RIMS1: variants seen among roughly 807,000 people sequenced by gnomAD.
RIMS1 encodes regulating synaptic membrane exocytosis protein 1.
A neutral mutation model predicts 214.1 loss-of-function variants in RIMS1; 83 were observed. The observed-to-expected ratio is 0.39, with a 90% CI of 0.32 to 0.47. RIMS1 has a LOEUF of 0.47. RIMS1 is among the 20% of genes least tolerant of loss of function. RIMS1 has a pLI of 0.99. For synonymous variants in RIMS1, 793 were observed against 786.8 expected (o/e 1.01, Z -0.13); for missense variants, 2,050 against 2,161.8 (o/e 0.95, Z 1.03).
chr6:72,388,682 C>T (rs1369665655), intron 29 of RIMS1, among the ~76,000 whole-genome samples: 1 of 152,104 alleles, frequency 6.6e-6, no homozygotes, highest in Non-Finnish European at 1.5e-5. Flanking sequence ...AATGACCAGA[C>T]TTGTGATGCA....
At chr6:72,363,527 G>T (rs1216798862) in intron 29 of RIMS1, among the ~76,000 whole-genome samples, 1 of 152,174 alleles carries the variant, frequency 6.6e-6, no homozygotes, top group Non-Finnish European at 1.5e-5. Flanking sequence ...TTAGGATGAA[G>T]AGAAATATTT....
At chr6:72,099,665 C>A (rs1488202626) in intron 3 of RIMS1, among the ~76,000 whole-genome samples, 2 of 151,872 alleles carry the variant, frequency 1.3e-5, no homozygotes. Context: ...GTGAATTAAC[C>A]TTCTTTATGA....
intron 24 of RIMS1, among the ~76,000 whole-genome samples, chr6:72,289,638 T>G (rs1472961459): frequency 1.3e-5 from 2 of 152,184 alleles, no homozygotes; most frequent in African/African-American, 4.8e-5. Flanking sequence ...AAAATCATTA[T>G]AGCTATAAAA....
intron 6 of RIMS1, among the ~76,000 whole-genome samples, chr6:72,215,264 C>G (rs1459296104): frequency 6.6e-6 from 1 of 152,138 alleles, no homozygotes; most frequent in Non-Finnish European, 1.5e-5. Flanking sequence ...ATAGCTGCTC[C>G]GGAAAATCTT....
chr6:72,278,303 G>T (rs1474341831), intron 23 of RIMS1, among the ~76,000 whole-genome samples: 2 of 151,940 alleles, frequency 1.3e-5, no homozygotes. Context: ...ATTAAGTAAA[G>T]CATCCCACTA....
chr6:72,167,823 C>G (rs1486864860), intron 4 of RIMS1, among the ~76,000 whole-genome samples: 1 of 151,744 alleles, frequency 6.6e-6, no homozygotes, highest in Non-Finnish European at 1.5e-5. Flanking sequence ...TTTTCTTGAC[C>G]AGTGCTGTGG....
chr6:72,252,635 C>T (rs2073939920), intron 15 of RIMS1, 126 bp from the exon 16 acceptor site: 3 of 717,186 alleles, frequency 4.2e-6, no homozygotes, highest in Non-Finnish European at 7.6e-6. Context: ...TCAGTGTTTA[C>T]TGTATTAGTC....
intron 2 of RIMS1, among the ~76,000 whole-genome samples, chr6:72,008,566 A>C (rs892656299): frequency 6.6e-6 from 1 of 152,226 alleles, no homozygotes; most frequent in African/African-American, 2.4e-5. Flanking sequence ...AGTGTGCTCT[A>C]TTCAGGAGAC....
intron 1 of RIMS1, among the ~76,000 whole-genome samples, chr6:71,963,030 T>C (rs1006362039): frequency 6.6e-6 from 1 of 152,296 alleles, no homozygotes; most frequent in Middle Eastern, 3.4e-3. Context: ...AATACTAGAA[T>C]AATGTTTAAA....
chr6:72,241,731 T>G (rs1247306742), intron 9 of RIMS1, among the ~76,000 whole-genome samples: 1 of 152,218 alleles, frequency 6.6e-6, no homozygotes, highest in African/African-American at 2.4e-5. Context: ...TTTGTAATTT[T>G]GCCATAGCTA....
chr6:72,264,660 A>G (rs2079583068), intron 19 of RIMS1, among the ~76,000 whole-genome samples: 2 of 152,220 alleles, frequency 1.3e-5, no homozygotes, highest in African/African-American at 4.8e-5. Flanking sequence ...AAGTAGGCAT[A>G]ATATTAAATC....
intron 9 of RIMS1, among the ~76,000 whole-genome samples, chr6:72,239,937 C>A (rs1371516556): frequency 6.6e-6 from 1 of 150,472 alleles, no homozygotes; most frequent in African/African-American, 2.4e-5. Context: ...CTTCACAATT[C>A]ATCTGAAGTT....
At chr6:72,207,472 T>A (rs1589122233) in intron 6 of RIMS1, among the ~76,000 whole-genome samples, 1 of 152,182 alleles carries the variant, frequency 6.6e-6, no homozygotes, top group South Asian at 2.1e-4. Flanking sequence ...ATTTGTTGAT[T>A]TTTTTTGTGG....
chr6:71,993,583 G>T (rs898593844), intron 2 of RIMS1, among the ~76,000 whole-genome samples: 1 of 152,008 alleles, frequency 6.6e-6, no homozygotes, highest in African/African-American at 2.4e-5. Flanking sequence ...TTCTGTCTTC[G>T]GTACATAAGG....
chr6:72,064,517 G>A (rs1022234138), intron 2 of RIMS1, among the ~76,000 whole-genome samples: 3 of 152,174 alleles, frequency 2.0e-5, no homozygotes, highest in Non-Finnish European at 4.4e-5. Context: ...AAGGAAGGAA[G>A]AAATGCATAA....
At chr6:72,227,219 A>T (rs146002588) in intron 6 of RIMS1, among the ~76,000 whole-genome samples, 2 of 152,040 alleles carry the variant, frequency 1.3e-5, no homozygotes, top group Admixed American at 1.3e-4. Context: ...TCAAATAAGT[A>T]AACTGCTGGG....
chr6:72,172,161 C>T (rs936974309), intron 4 of RIMS1, among the ~76,000 whole-genome samples: 14 of 151,818 alleles, frequency 9.2e-5, no homozygotes, highest in African/African-American at 2.4e-5. Flanking sequence ...CTAACAAACA[C>T]GGAAAACATT....
rs1817461549 is a variant in RIMS1 at position 72,029,462 on chromosome 6, G to A, written c.245+60399G>A. Among the ~76,000 whole-genome samples the A allele has an allele frequency of 2.0e-5, 3 of 152,112 alleles. No homozygotes were observed. In the South Asian group the frequency reaches 6.2e-4, roughly 31 times the overall value. ...CCATTACAAACGAGGCTGAATGGAGGGAGGTGCCTTGCCCCTCTGACATGT... is the reference window on the plus strand; with the variant it reads ...CCATTACAAACGAGGCTGAATGGAGAGAGGTGCCTTGCCCCTCTGACATGT... On this transcript the variant is annotated intron_variant, in intron 2 of 33. Coordinates refer to ENST00000521978, the MANE Select transcript of RIMS1 (RefSeq NM_014989.7).
intron 17 of RIMS1, 90 bp downstream of exon 17, chr6:72,258,371 A>T (rs1009547542): frequency 7.8e-7 from 1 of 1,285,434 alleles, no homozygotes; most frequent in Non-Finnish European, 1.0e-6. Context: ...AAATGAAAAA[A>T]TAGTTTGGTC....
Sources: allele counts gnomAD v4.1 joint callset (sites outside exome capture counted in the v4.1 genomes callset), GRCh38; gene constraint gnomAD v4.1.1; transcripts MANE v1.5; gene names NCBI Gene and HGNC (gene_info 2026-07-23, HGNC 2026-07-21).